Variants in NBPF6 observed in about 807,000 individuals in gnomAD.
NBPF6 encodes NBPF member 6.
A neutral mutation model predicts 20.8 loss-of-function variants in NBPF6; 2 were observed. The observed-to-expected ratio is 0.10, with a 90% confidence interval of 0.04 to 0.30. The LOEUF (loss-of-function observed/expected upper bound fraction) is 0.30. NBPF6 is among the 10% of genes least tolerant of loss of function. NBPF6 has a pLI of 1.00. For synonymous variants in NBPF6, 24 were observed against 100.0 expected (o/e 0.24, Z 4.53); for missense variants, 85 against 260.3 (o/e 0.33, Z 4.63).
chr1:108,438,222 C>CAACT, the NBPF6 span, among the ~76,000 whole-genome samples: 1 of 65,436 alleles, frequency 1.5e-5, no homozygotes, highest in Non-Finnish European at 3.2e-5. Context: ...CTATTATGAG[C>CAACT]AACTATATAG....
upstream of NBPF6, among the ~76,000 whole-genome samples, chr1:108,447,927 A>C (rs1438905255): frequency 6.8e-6 from 1 of 147,474 alleles, no homozygotes; most frequent in African/African-American, 2.5e-5. Context: ...TTCTATCTAC[A>C]TGAGAATTTA....
At chr1:108,434,914 GT>G in the NBPF6 span, among the ~76,000 whole-genome samples, 1 of 81,616 alleles carries the variant, frequency 1.2e-5, no homozygotes, top group African/African-American at 3.6e-5. Context: ...TTAAATCTAT[GT>G]TTATACTGGC....
the NBPF6 span, among the ~76,000 whole-genome samples, chr1:108,436,636 G>T: frequency 1.5e-5 from 1 of 67,908 alleles, no homozygotes; most frequent in Non-Finnish European, 3.6e-5. Flanking sequence ...AAAAAAGATT[G>T]ATAAAATAGG....
chr1:108,470,570 G>A (rs1255459760), intron 14 of NBPF6, 27 bp from the exon 15 acceptor site: 1 of 1,541,818 alleles, frequency 6.5e-7, no homozygotes, highest in Non-Finnish European at 8.8e-7. Context: ...ATGCTCATTT[G>A]ATTTTTTTTC....
chr1:108,467,395 G>A, intron 13 of NBPF6, 56 bp from the exon 14 acceptor site: 2 of 1,160,778 alleles, frequency 1.7e-6, no homozygotes, highest in Non-Finnish European at 2.5e-6. Flanking sequence ...GGAAGAGAAA[G>A]TTACGGTAAG....
chr1:108,452,997 T>C lies in NBPF6; in HGVS notation c.279-184T>C, dbSNP rs1652930072. ...ATGTTTGTTTGTGTGTGTGTGTGTG[T>C]GTGTGTGTGTGTATATATATATATA... On this transcript the variant is annotated intron_variant, in intron 3 of 14. Coordinates refer to ENST00000495380, the MANE Select transcript of NBPF6 (RefSeq NM_001143988.2). Among the ~76,000 whole-genome samples the C allele has an allele frequency of 3.1e-5, 2 of 63,962 alleles. 1 individual carries two copies. Among genetic ancestry groups the C allele is most frequent in the African/African-American group, 1.1e-4 (2 of 18,810 alleles). The allele number at this position is 63,962 out of a possible 152,430, so 42.0% of individuals were successfully genotyped here. A position where few individuals can be genotyped will look rare whatever the true frequency, so the allele number is the denominator to read the frequency against.
chr1:108,437,785 A>AGG, the NBPF6 span, among the ~76,000 whole-genome samples: 6 of 26,386 alleles, frequency 2.3e-4, 1 homozygote, highest in Non-Finnish European at 5.9e-4. Context: ...GGAGGGAGGG[A>AGG]GAGAGGGAGG....
chr1:108,467,647 G>C lies in NBPF6; in HGVS notation c.1857G>C (p.Pro619=), dbSNP rs142807418. 2.4e-5 allele frequency: 37 copies of C among 1,549,122 alleles called. No homozygotes were observed. The African/African-American group carries it at 4.8e-4, about 20-fold the overall frequency. The change falls in exon 14 of 15, where the codon CCG becomes CCC. Residue 619 remains proline, a synonymous_variant. Transcript: ENST00000495380. ...GACTGGCATTCAGATTCGCTGGCCC[G>C]CATGCTGAGAGTGCAGAGGTAATCA... ...KWRLAFRFAG[P]HAESAEIPNT... is the part of the protein sequence containing the mutation.
chr1:108,426,633 CACA>C, the NBPF6 span, among the ~76,000 whole-genome samples: 3 of 40,150 alleles, frequency 7.5e-5, no homozygotes, highest in South Asian at 6.8e-4. Context: ...CTGTTTTTTC[CACA>C]ACAATGACTT....
Position 108,471,656 on chromosome 1 carries a change from T to C in NBPF6, c.*1018T>C, listed in dbSNP as rs577829323. On this transcript the variant is annotated 3_prime_UTR_variant, in exon 15 of 15. Transcript: ENST00000495380. ...CATTGGAAATTGTCTTCTCAAAATT[T>C]TACTATGTACTTGTTTTTGCTGGCA... Among the ~76,000 whole-genome samples, 1 of 152,352 alleles carries C rather than the reference T, an allele frequency of 6.6e-6. No individual in the cohort carries two copies. The highest frequency in any genetic ancestry group is 2.1e-4 in the South Asian group (1 of 4,830).
At chr1:108,436,443 T>G in the NBPF6 span, among the ~76,000 whole-genome samples, 6 of 91,492 alleles carry the variant, frequency 6.6e-5, 1 homozygote, top group Non-Finnish European at 1.6e-4. Context: ...AAACCTCGTC[T>G]CTACTAAAAG....
At chr1:108,449,444 A>G (rs76917407), upstream of NBPF6, among the ~76,000 whole-genome samples, 83 of 13,588 alleles carry the variant, frequency 6.1e-3, 8 homozygotes, top group Middle Eastern at 0.062. Context: ...ATATATATAT[A>G]TATATATATA....
the NBPF6 span, among the ~76,000 whole-genome samples, chr1:108,442,535 A>G: frequency 6.7e-6 from 1 of 149,306 alleles, no homozygotes; most frequent in Non-Finnish European, 1.5e-5. Context: ...CTCAAAATTT[A>G]TTAATAAACA....
rs994414113 is a variant in NBPF6, at chr1:108,471,028, G to C, written c.*390G>C. On this transcript the variant is annotated 3_prime_UTR_variant, in exon 15 of 15. Transcript: ENST00000495380. ...AAAACGTTTAGCCTGAGTTTCATAG[G>C]AGGTAACCCTCAGATAACTGCAGAA... 2 of 173,592 alleles carry C rather than the reference G, an allele frequency of 1.2e-5. No homozygotes were observed. Among genetic ancestry groups the C allele is most frequent in the Non-Finnish European group, 2.4e-5 (2 of 82,974 alleles). The allele number at this position is 173,592 out of a possible 1,614,324, so 10.8% of individuals were successfully genotyped here. A position where few individuals can be genotyped will look rare whatever the true frequency, so the allele number is the denominator to read the frequency against.
At chr1:108,446,513 A>C (rs1571373181), upstream of NBPF6, among the ~76,000 whole-genome samples, 1 of 15,206 alleles carries the variant, frequency 6.6e-5, no homozygotes, top group African/African-American at 1.0e-4. Flanking sequence ...CAGAACGAGA[A>C]CCTGTCTCAA....
At chr1:108,448,111 A>G (rs1414521236), upstream of NBPF6, among the ~76,000 whole-genome samples, 33 of 141,346 alleles carry the variant, frequency 2.3e-4, 3 homozygotes, top group African/African-American at 8.2e-4. Context: ...GAGTGTGACC[A>G]TAGACTACCC....
At chr1:108,465,756 A>G (rs1294881140) in intron 13 of NBPF6, among the ~76,000 whole-genome samples, 1 of 108,484 alleles carries the variant, frequency 9.2e-6, no homozygotes, top group Admixed American at 9.0e-5. Flanking sequence ...GAATTGCCCA[A>G]TAAACCTATG....
intron 3 of NBPF6, among the ~76,000 whole-genome samples, chr1:108,452,893 A>C (rs1164342386): frequency 1.4e-5 from 1 of 71,714 alleles, no homozygotes; most frequent in African/African-American, 4.9e-5. Context: ...GAAGAAAAAG[A>C]TGAGTGGAAC....
chr1:108,452,948 C>CTGTGTG (rs752215955), intron 3 of NBPF6, among the ~76,000 whole-genome samples: 1 of 58,864 alleles, frequency 1.7e-5, no homozygotes, highest in East Asian at 4.0e-4. Flanking sequence ...TATCAGAAGG[C>CTGTGTG]TGTGTGTGTG....
Sources: gnomAD v4.1 joint callset for allele counts (sites outside exome capture counted in the v4.1 genomes callset) on GRCh38, gnomAD v4.1.1 for gene constraint, MANE v1.5 for transcripts, NCBI Gene and HGNC (gene_info 2026-07-23, HGNC 2026-07-21) for gene names.